The following LRP1B variants were observed in gnomAD, a reference collection of about 807,000 sequenced individuals.
LRP1B encodes the protein low-density lipoprotein receptor-related protein 1B.
A neutral mutation model predicts 556.6 loss-of-function variants in LRP1B; 217 were observed. That is an observed-to-expected ratio of 0.39 (90% CI 0.35 to 0.44). LRP1B has a LOEUF of 0.44. LRP1B is among the 20% of genes least tolerant of loss of function. The pLI, the probability that LRP1B is intolerant of heterozygous loss-of-function variation, is 1.00. For missense variants in LRP1B, 5,053 were observed against 5,620.8 expected (o/e 0.90, Z 3.23); for synonymous variants, 2,047 against 1,865.8 (o/e 1.10, Z -2.50).
At chr2:140,799,912 G>A (rs1690447728) in intron 32 of LRP1B, among the ~76,000 whole-genome samples, 1 of 151,990 alleles carries the variant, frequency 6.6e-6, no homozygotes, top group African/African-American at 2.4e-5. Context: ...AGTGGGTGCA[G>A]GACAGTGGGT....
At chr2:141,889,710 G>A (rs535398415) in intron 1 of LRP1B, among the ~76,000 whole-genome samples, 1 of 152,184 alleles carries the variant, frequency 6.6e-6, no homozygotes, top group South Asian at 2.1e-4. Context: ...CCATTATGTT[G>A]TAAAGAAGGC....
intron 86 of LRP1B, among the ~76,000 whole-genome samples, chr2:140,262,765 C>G (rs1408680776): frequency 6.6e-6 from 1 of 152,008 alleles, no homozygotes; most frequent in Admixed American, 6.6e-5. Flanking sequence ...TTGTGAATGC[C>G]CAAGCACTGG....
chr2:140,378,293 A>G lies in LRP1B; in HGVS notation c.10532-7T>C. 1 of 1,481,446 alleles carries G rather than the reference A, an allele frequency of 6.8e-7. No individual in the cohort carries two copies. Among genetic ancestry groups the G allele is most frequent in the Non-Finnish European group, 9.4e-7 (1 of 1,061,996 alleles). The allele number at this position is 1,481,446 out of a possible 1,614,324, so 91.8% of individuals were successfully genotyped here. ...AATGTACATGTCTGTGGCTCTGGGG[A>G]TAAAAAAACAGCACAGGGTTATTCT... On this transcript the variant is annotated splice_polypyrimidine_tract_variant and splice_region_variant and intron_variant, in intron 67 of 90. Transcript: ENST00000389484.
chr2:141,838,767 A>T (rs1308524064), intron 1 of LRP1B, among the ~76,000 whole-genome samples: 1 of 151,960 alleles, frequency 6.6e-6, no homozygotes, highest in Non-Finnish European at 1.5e-5. Context: ...TGGATTGAAA[A>T]CTCTTCAAAA....
At chr2:140,381,507 G>C (rs909759017) in intron 67 of LRP1B, among the ~76,000 whole-genome samples, 4 of 152,188 alleles carry the variant, frequency 2.6e-5, no homozygotes, top group African/African-American at 9.6e-5. Flanking sequence ...TGGCAACCAA[G>C]AAGCTTTTGC....
At position 141,267,965 on chromosome 2, in the gene LRP1B, T is replaced by G. The variant is rs553271462; in HGVS notation, c.344-13324A>C. Among the ~76,000 whole-genome samples, 88 of 152,252 alleles carry G rather than the reference T, an allele frequency of 5.8e-4. 1 individual carries two copies. The South Asian group carries it at 0.018, about 31-fold the overall frequency. On this transcript the variant is annotated intron_variant, in intron 3 of 90. Transcript: ENST00000389484. ...TTTTGATTTTTTCATATTTAGTAAA[T>G]TAGAAGTACTTGTGACTAAATCTAC...
intron 2 of LRP1B, among the ~76,000 whole-genome samples, chr2:141,521,701 C>A (rs1684535135): frequency 6.6e-6 from 1 of 151,574 alleles, no homozygotes; most frequent in Non-Finnish European, 1.5e-5. Flanking sequence ...CATATTCAAT[C>A]CAAGTAAGAA....
intron 7 of LRP1B, among the ~76,000 whole-genome samples, chr2:141,127,727 G>C (rs1701250991): frequency 6.6e-6 from 1 of 151,552 alleles, no homozygotes; most frequent in African/African-American, 2.4e-5. Flanking sequence ...TCTCTTTATG[G>C]TTCAATTACC....
intron 77 of LRP1B, among the ~76,000 whole-genome samples, chr2:140,346,336 A>G (rs568931225): frequency 3.3e-5 from 5 of 151,932 alleles, no homozygotes; most frequent in Admixed American, 6.6e-5. Context: ...GGAACTAAAA[A>G]TCCATTATAG....
chr2:140,783,650 G>T (rs1689781135), intron 32 of LRP1B, among the ~76,000 whole-genome samples: 1 of 152,146 alleles, frequency 6.6e-6, no homozygotes, highest in Admixed American at 6.6e-5. Context: ...AATTTGTACT[G>T]CAGAAGCTCA....
At chr2:140,870,223 G>A (rs1365213529) in intron 25 of LRP1B, among the ~76,000 whole-genome samples, 1 of 152,080 alleles carries the variant, frequency 6.6e-6, no homozygotes, top group Non-Finnish European at 1.5e-5. Flanking sequence ...TTTCTGAGAG[G>A]CTTTATTTGC....
chr2:140,742,449 A>C (rs1003109337), intron 35 of LRP1B, among the ~76,000 whole-genome samples: 1 of 152,228 alleles, frequency 6.6e-6, no homozygotes, highest in South Asian at 2.1e-4. Flanking sequence ...AATAGTAGTG[A>C]GATATAATTA....
intron 1 of LRP1B, among the ~76,000 whole-genome samples, chr2:141,928,278 A>T (rs896056491): frequency 3.3e-5 from 5 of 152,184 alleles, no homozygotes; most frequent in African/African-American, 1.2e-4. Context: ...ATCCTCAGAA[A>T]TTACATTTTA....
chr2:142,124,726 CA>C (rs1421219038), intron 1 of LRP1B, among the ~76,000 whole-genome samples: 1 of 151,450 alleles, frequency 6.6e-6, no homozygotes, highest in Non-Finnish European at 1.5e-5. Flanking sequence ...TAGTTACTAC[CA>C]AAAATATTTC....
chr2:140,326,731 T>TAAAC (rs1011642577), intron 79 of LRP1B, among the ~76,000 whole-genome samples: 8 of 151,266 alleles, frequency 5.3e-5, no homozygotes, highest in African/African-American at 4.9e-5. Flanking sequence ...TAGGGAAGAA[T>TAAAC]AAACAGTAAA....
chr2:141,408,863 T>C (rs1690742242), intron 3 of LRP1B, among the ~76,000 whole-genome samples: 1 of 152,180 alleles, frequency 6.6e-6, no homozygotes, highest in African/African-American at 2.4e-5. Context: ...CAATTTTATA[T>C]ATTTCCATGA....
chr2:141,022,851 A>G (rs374487293), intron 11 of LRP1B, among the ~76,000 whole-genome samples: 1 of 152,086 alleles, frequency 6.6e-6, no homozygotes, highest in East Asian at 1.9e-4. Context: ...ACATTATAAA[A>G]TTCATATTTT....
intron 35 of LRP1B, among the ~76,000 whole-genome samples, chr2:140,725,301 C>T (rs796140673): frequency 6.3e-4 from 96 of 151,414 alleles, no homozygotes; most frequent in African/African-American, 2.3e-3. Flanking sequence ...TGTTCTGTGC[C>T]ATTTCAATCC....
intron 2 of LRP1B, among the ~76,000 whole-genome samples, chr2:141,702,570 T>C (rs1161582937): frequency 1.5e-5 from 2 of 134,240 alleles, no homozygotes; most frequent in Non-Finnish European, 3.2e-5. Flanking sequence ...GGTGGCCACC[T>C]GTAGGTCTAG....
Sources: allele counts gnomAD v4.1 joint callset (sites outside exome capture counted in the v4.1 genomes callset), GRCh38; gene constraint gnomAD v4.1.1; transcripts MANE v1.5; gene names NCBI Gene and HGNC (gene_info 2026-07-23, HGNC 2026-07-21).